CADM1: variants seen among roughly 807,000 people sequenced by gnomAD.
The protein encoded by CADM1 is cell adhesion molecule 1.
A neutral mutation model predicts 53.1 loss-of-function variants in CADM1; 15 were observed. The observed-to-expected ratio is 0.28, with a 90% CI of 0.19 to 0.44. CADM1 has a LOEUF of 0.44. CADM1 is among the 20% of genes least tolerant of loss of function. The probability of loss-of-function intolerance (pLI) is 1.00; values close to 1 mark genes in which losing one functional copy is unlikely to be tolerated. For missense variants in CADM1, 434 were observed against 611.3 expected (o/e 0.71, Z 3.06); for synonymous variants, 281 against 243.0 (o/e 1.16, Z -1.45).
chr11:115,291,838 C>T (rs1943912629), intron 1 of CADM1, among the ~76,000 whole-genome samples: 1 of 152,076 alleles, frequency 6.6e-6, no homozygotes, highest in South Asian at 2.1e-4. Flanking sequence ...CAGTGAGTGA[C>T]AAAAAAATTA....
chr11:115,384,003 TC>T (rs1946639780), intron 1 of CADM1, among the ~76,000 whole-genome samples: 1 of 151,688 alleles, frequency 6.6e-6, no homozygotes, highest in Non-Finnish European at 1.5e-5. Context: ...GAAACACAAA[TC>T]CCAGGGTCAC....
chr11:115,212,535 G>T (rs974665995), intron 7 of CADM1, among the ~76,000 whole-genome samples: 1 of 152,192 alleles, frequency 6.6e-6, no homozygotes, highest in Non-Finnish European at 1.5e-5. Flanking sequence ...GTATGTAGCT[G>T]TGTCTGCCTT....
At chr11:115,190,855 A>G (rs1261800193) in intron 10 of CADM1, 33 bp downstream of exon 10, 7 of 1,568,020 alleles carry the variant, frequency 4.5e-6, no homozygotes, top group African/African-American at 1.3e-5. Flanking sequence ...CAGGTTGGAC[A>G]CTGCAGTGCC....
intron 5 of CADM1, among the ~76,000 whole-genome samples, chr11:115,219,154 T>C (rs1241633862): frequency 6.6e-6 from 1 of 152,158 alleles, no homozygotes; most frequent in African/African-American, 2.4e-5. Flanking sequence ...TCTCAGACAA[T>C]CATACCACCT....
intron 1 of CADM1, among the ~76,000 whole-genome samples, chr11:115,255,513 G>A (rs1305498143): frequency 6.6e-6 from 1 of 152,100 alleles, no homozygotes; most frequent in Non-Finnish European, 1.5e-5. Flanking sequence ...TTTGAGGAGC[G>A]CTGGCCTGGA....
chr11:115,491,519 T>TTGCA (rs759991377), intron 1 of CADM1, among the ~76,000 whole-genome samples: 24 of 151,660 alleles, frequency 1.6e-4, no homozygotes, highest in Non-Finnish European at 3.2e-4. Context: ...TGAGCCAAGA[T>TTGCA]TGCACCACTG....
At chr11:115,250,902 A>G (rs1942583575) in intron 1 of CADM1, among the ~76,000 whole-genome samples, 1 of 152,244 alleles carries the variant, frequency 6.6e-6, no homozygotes, top group Admixed American at 6.5e-5. Context: ...TAACAATTAT[A>G]CTATATTAAT....
chr11:115,195,007 C>T (rs1337100023), intron 9 of CADM1, among the ~76,000 whole-genome samples: 2 of 152,160 alleles, frequency 1.3e-5, no homozygotes, highest in African/African-American at 2.4e-5. Context: ...TTTTGCATTG[C>T]TCAACATGCA....
At chr11:115,503,059 C>T (rs1949765196) in intron 1 of CADM1, among the ~76,000 whole-genome samples, 1 of 152,254 alleles carries the variant, frequency 6.6e-6, no homozygotes, top group East Asian at 1.9e-4. Context: ...ACCCCGCGGC[C>T]CCGTGCCACT....
At chr11:115,348,035 G>T (rs1482310014) in intron 1 of CADM1, among the ~76,000 whole-genome samples, 1 of 152,144 alleles carries the variant, frequency 6.6e-6, no homozygotes, top group Non-Finnish European at 1.5e-5. Context: ...GTATTCAAAA[G>T]AACAGATTAT....
intron 1 of CADM1, among the ~76,000 whole-genome samples, chr11:115,390,573 T>C (rs1315624359): frequency 6.6e-6 from 1 of 151,676 alleles, no homozygotes; most frequent in Non-Finnish European, 1.5e-5. Flanking sequence ...GATGTAAGTG[T>C]TTAGTTAACT....
chr11:115,449,382 G>A (rs984894689), intron 1 of CADM1, among the ~76,000 whole-genome samples: 1 of 152,174 alleles, frequency 6.6e-6, no homozygotes, highest in South Asian at 2.1e-4. Context: ...TTTCAGCTAA[G>A]AGGCTCAATG....
chr11:115,504,158 C>T, intron 1 of CADM1, 113 bp downstream of exon 1: 3 of 1,462,830 alleles, frequency 2.1e-6, no homozygotes, highest in Non-Finnish European at 2.8e-6. Context: ...CCCTCCGCTT[C>T]GGATGTAGGA....
intron 1 of CADM1, among the ~76,000 whole-genome samples, chr11:115,266,759 A>G (rs975713759): frequency 6.6e-6 from 1 of 152,214 alleles, no homozygotes. Context: ...TCTGAGATGA[A>G]TTTTGATAAA....
At chr11:115,201,711 T>TA (rs574303859) in intron 8 of CADM1, among the ~76,000 whole-genome samples, 73 of 145,956 alleles carry the variant, frequency 5.0e-4, no homozygotes, top group East Asian at 2.0e-3. Flanking sequence ...GCTGCTGCCT[T>TA]AAAAAAAAAA....
chr11:115,469,161 T>C (rs758008091), intron 1 of CADM1, among the ~76,000 whole-genome samples: 13 of 152,228 alleles, frequency 8.5e-5, no homozygotes, highest in South Asian at 4.1e-4. Flanking sequence ...TGAACTCTTA[T>C]AGAAGCTCTG....
chr11:115,215,143 C>T (rs1941125134), intron 6 of CADM1, among the ~76,000 whole-genome samples: 1 of 152,174 alleles, frequency 6.6e-6, no homozygotes, highest in Non-Finnish European at 1.5e-5. Context: ...GGAAAGAAAT[C>T]AAGTTCTTGG....
chr11:115,323,917 A>C (rs558126007), intron 1 of CADM1, among the ~76,000 whole-genome samples: 1 of 151,620 alleles, frequency 6.6e-6, no homozygotes, highest in East Asian at 1.9e-4. Flanking sequence ...GATCAATCTA[A>C]TTTGGGCCAC....
At chr11:115,392,174 AATACT>A (rs1217769569) in intron 1 of CADM1, among the ~76,000 whole-genome samples, 1 of 152,044 alleles carries the variant, frequency 6.6e-6, no homozygotes, top group Non-Finnish European at 1.5e-5. Context: ...TCATTCTTAA[AATACT>A]ATACAATTTG....
Sources: gnomAD v4.1 joint callset for allele counts (sites outside exome capture counted in the v4.1 genomes callset) on GRCh38, gnomAD v4.1.1 for gene constraint, MANE v1.5 for transcripts, NCBI Gene and HGNC (gene_info 2026-07-23, HGNC 2026-07-21) for gene names.